TRIM9: variants seen among roughly 807,000 people sequenced by gnomAD.
TRIM9 encodes the protein E3 ubiquitin-protein ligase TRIM9.
A neutral mutation model predicts 78.3 loss-of-function variants in TRIM9; 26 were observed. That is an observed-to-expected ratio of 0.33 (90% CI 0.24 to 0.46). TRIM9 has a LOEUF of 0.46. Ranked by LOEUF, TRIM9 falls within the 20% of genes least tolerant of loss-of-function variation. The pLI is 1.00. For synonymous variants in TRIM9, 398 were observed against 416.5 expected, an observed-to-expected ratio of 0.96 and a Z score of 0.54; for missense variants, 787 against 1,036.4, an observed-to-expected ratio of 0.76 and a Z score of 3.30.
At chr14:51,021,650 A>C (rs1055555156) in intron 3 of TRIM9, among the ~76,000 whole-genome samples, 8 of 152,138 alleles carry the variant, frequency 5.3e-5, no homozygotes, top group Admixed American at 4.6e-4. Context: ...ACTGCACACC[A>C]CATACCCACC....
intron 1 of TRIM9, among the ~76,000 whole-genome samples, chr14:51,085,858 A>C (rs1235881188): frequency 6.6e-6 from 1 of 152,148 alleles, no homozygotes; most frequent in African/African-American, 2.4e-5. Flanking sequence ...GAGCTGGTAA[A>C]ATCTTACTGT....
intron 1 of TRIM9, among the ~76,000 whole-genome samples, chr14:51,088,640 G>A (rs1180766192): frequency 1.3e-5 from 2 of 149,402 alleles, no homozygotes; most frequent in East Asian, 1.9e-4. Context: ...GAGTAATTTC[G>A]AGTTGGTAAA....
chr14:51,005,430 A>G (rs1268464387), intron 5 of TRIM9, among the ~76,000 whole-genome samples: 1 of 152,220 alleles, frequency 6.6e-6, no homozygotes, highest in Non-Finnish European at 1.5e-5. Context: ...CCTGGTTCAG[A>G]ATGAACAAAC....
intron 1 of TRIM9, among the ~76,000 whole-genome samples, chr14:51,051,314 G>C (rs1022468064): frequency 6.6e-6 from 1 of 152,198 alleles, no homozygotes; most frequent in Non-Finnish European, 1.5e-5. Flanking sequence ...ATTGAAAAGA[G>C]AGCAAGGAAG....
rs556260993 is a variant in TRIM9 at position 51,050,832 on chromosome 14, C to T, written c.823-25472G>A. Among the ~76,000 whole-genome samples the T allele has an allele frequency of 3.9e-5, 6 of 152,002 alleles. No individual in the cohort carries two copies. In the South Asian group the frequency reaches 1.2e-3, roughly 32 times the overall value. ...TGGATGCTCCCCATTGGATCTCAGC[C>T]AGCACCAACCACCTTGCCAGCCACG... On this transcript the variant is annotated intron_variant, in intron 1 of 12. Coordinates refer to ENST00000684578, the MANE Select transcript of TRIM9 (RefSeq NM_001387360.1).
intron 1 of TRIM9, among the ~76,000 whole-genome samples, chr14:51,048,401 A>G (rs1158746829): frequency 6.6e-6 from 1 of 152,226 alleles, no homozygotes; most frequent in East Asian, 1.9e-4. Flanking sequence ...GATGCTGAGT[A>G]AGTGTTTCTT....
chr14:51,012,590 G>A (rs1018352306), intron 3 of TRIM9, among the ~76,000 whole-genome samples: 2 of 152,142 alleles, frequency 1.3e-5, no homozygotes, highest in Non-Finnish European at 2.9e-5. Context: ...TGGAGTTGCT[G>A]GATCATGTGG....
At chr14:51,071,971 T>A (rs985547898) in intron 1 of TRIM9, among the ~76,000 whole-genome samples, 3 of 152,034 alleles carry the variant, frequency 2.0e-5, no homozygotes, top group African/African-American at 7.2e-5. Flanking sequence ...CTCAGCAGCG[T>A]GAGGGAGCAG....
intron 5 of TRIM9, among the ~76,000 whole-genome samples, chr14:51,007,875 A>C (rs537354477): frequency 3.7e-4 from 56 of 152,198 alleles, no homozygotes; most frequent in African/African-American, 1.3e-3. Context: ...ACACATACCA[A>C]GTACAGGAAC....
intron 1 of TRIM9, among the ~76,000 whole-genome samples, chr14:51,061,684 G>T (rs1435611457): frequency 6.6e-6 from 1 of 152,048 alleles, no homozygotes; most frequent in Non-Finnish European, 1.5e-5. Flanking sequence ...AAAAATTAAT[G>T]TTTGTGTATA....
chr14:50,985,080 G>A (rs2052517513), intron 8 of TRIM9, among the ~76,000 whole-genome samples: 1 of 152,238 alleles, frequency 6.6e-6, no homozygotes, highest in African/African-American at 2.4e-5. Flanking sequence ...TGTGCATCAT[G>A]TGTATCCATG....
Position 51,032,963 on chromosome 14 carries a change from G to A in TRIM9, c.823-7603C>T, listed in dbSNP as rs1215793222. On this transcript the variant is annotated intron_variant, in intron 1 of 12. Transcript: ENST00000684578. ...GAGCACTTCAGATTTCAGATTTTTG[G>A]ATTAGTGATCCTCCACTGGTAAGTA... Among the ~76,000 whole-genome samples the A allele has an allele frequency of 3.3e-5, 5 of 152,206 alleles. No homozygotes were observed. The South Asian group carries it at 1.0e-3, about 32-fold the overall frequency.
chr14:51,018,979 C>T (rs1291423683), intron 3 of TRIM9, among the ~76,000 whole-genome samples: 9 of 152,182 alleles, frequency 5.9e-5, no homozygotes, highest in Admixed American at 5.9e-4. Flanking sequence ...GTGAATGTTA[C>T]ATAAACAACA....
chr14:51,052,703 T>A (rs1329400149), intron 1 of TRIM9, among the ~76,000 whole-genome samples: 1 of 152,196 alleles, frequency 6.6e-6, no homozygotes, highest in African/African-American at 2.4e-5. Context: ...CAGACCTCAT[T>A]ACTTACACAG....
At chr14:51,011,483 A>C (rs1315324657) in intron 3 of TRIM9, among the ~76,000 whole-genome samples, 1 of 152,180 alleles carries the variant, frequency 6.6e-6, no homozygotes, top group African/African-American at 2.4e-5. Context: ...GCTATCTTTG[A>C]ATGGTTTTTG....
In TRIM9 at chr14:50,976,515, T is replaced by C. The variant is rs1388451658; in HGVS notation, c.*776A>G. 6.6e-6 allele frequency: 1 copy of C among 152,388 alleles called. No individual in the cohort carries two copies. The highest frequency in any genetic ancestry group is 2.4e-5 in the African/African-American group (1 of 41,448). The allele number at this position is 152,388 out of a possible 1,614,324, so 9.4% of individuals were successfully genotyped here. ...CATAATGTTCTAGTGTCTTGAACAG[T>C]GCCTGGTCAATAGTAGGTTCTCAAT... On this transcript the variant is annotated 3_prime_UTR_variant, in exon 13 of 13. Transcript: ENST00000684578.
rs532358612 is a variant in TRIM9, at chr14:51,053,757, C to G, written c.823-28397G>C. Among the ~76,000 whole-genome samples, 514 of 148,684 alleles carry G rather than the reference C, an allele frequency of 3.5e-3. 12 individuals carry two copies. The highest frequency in any genetic ancestry group is 0.012 in the African/African-American group (472 of 38,882). On this transcript the variant is annotated intron_variant, in intron 1 of 12. Coordinates refer to ENST00000684578, the MANE Select transcript of TRIM9 (RefSeq NM_001387360.1). ...TGCTATCCCTCCCCGCTCCCCCGAC[C>G]CCACCACAGTCCCCAGAGTGTGATA...
chr14:51,081,375 G>A (rs1227919145), intron 1 of TRIM9, among the ~76,000 whole-genome samples: 4 of 152,142 alleles, frequency 2.6e-5, no homozygotes, highest in African/African-American at 4.8e-5. Flanking sequence ...GGAGAAATTC[G>A]ATCACTCATA....
intron 5 of TRIM9, among the ~76,000 whole-genome samples, chr14:51,007,930 C>A (rs1339005719): frequency 1.3e-5 from 2 of 152,108 alleles, no homozygotes; most frequent in Non-Finnish European, 2.9e-5. Context: ...AGCCCTAAGA[C>A]TTACCGCCTT....
Sources: allele counts gnomAD v4.1 joint callset (sites outside exome capture counted in the v4.1 genomes callset), GRCh38; gene constraint gnomAD v4.1.1; transcripts MANE v1.5; gene names NCBI Gene and HGNC (gene_info 2026-07-23, HGNC 2026-07-21).